The following MYBL2 variants were observed in gnomAD, a reference collection of about 807,000 sequenced individuals.
MYBL2 encodes myb-related protein B.
MYBL2 carries 28 observed loss-of-function variants against 79.9 expected under a neutral mutation model. The ratio of observed to expected loss-of-function variants is 0.35; its 90% CI spans 0.26 to 0.48. The LOEUF is 0.48. MYBL2 is among the 20% of genes least tolerant of loss of function. MYBL2 has a pLI of 0.99. For missense variants in MYBL2, 735 were observed against 893.9 expected, an observed-to-expected ratio of 0.82 and a Z score of 2.27; for synonymous variants, 378 against 361.2, an observed-to-expected ratio of 1.05 and a Z score of -0.53.
At chr20:43,685,883 C>G (rs1987261135) in intron 4 of MYBL2, among the ~76,000 whole-genome samples, 1 of 151,366 alleles carries the variant, frequency 6.6e-6, no homozygotes, top group Non-Finnish European at 1.5e-5. Context: ...ACTAAAAATA[C>G]AAAATTAGCC....
intron 2 of MYBL2, among the ~76,000 whole-genome samples, chr20:43,679,014 G>T (rs1158976518): frequency 6.6e-6 from 1 of 152,250 alleles, no homozygotes; most frequent in East Asian, 1.9e-4. Context: ...GGAGTCCCAG[G>T]GTGGGTGGGA....
chr20:43,709,412 G>C (rs1343044726), intron 9 of MYBL2, among the ~76,000 whole-genome samples: 1 of 152,234 alleles, frequency 6.6e-6, no homozygotes, highest in Non-Finnish European at 1.5e-5. Flanking sequence ...GTCTACATCT[G>C]ATAGAAGCAT....
At chr20:43,704,598 G>A (rs1987739745) in intron 8 of MYBL2, among the ~76,000 whole-genome samples, 1 of 152,202 alleles carries the variant, frequency 6.6e-6, no homozygotes, top group Admixed American at 6.5e-5. Context: ...TTCAGGGCAG[G>A]GAGGGAAGAG....
chr20:43,687,002 C>T lies in MYBL2; in HGVS notation c.430C>T (p.Arg144Cys). ...KKSCWTEEED[R>C]IICEAHKVLG... ...GTCTTGCTGGACCGAGGAGGAGGAC[C>T]GCATCATCTGCGAGGCCCACAAGGT... is the stretch of plus-strand genomic sequence containing the variant. The change falls in exon 5 of 14, where the codon CGC becomes TGC. Residue 144 changes from arginine (R) to cysteine (C), a missense_variant. Around this residue, in one of 5 missense-constraint regions of MYBL2, gnomAD observed 65 missense variants for 145.2 expected, o/e 0.45. Transcript: ENST00000217026. 2 of 1,614,008 alleles carry T rather than the reference C, an allele frequency of 1.2e-6. No homozygotes were observed. The highest frequency in any genetic ancestry group is 2.2e-5 in the East Asian group (1 of 44,886).
chr20:43,685,962 G>A (rs1382971284), intron 4 of MYBL2, among the ~76,000 whole-genome samples: 6 of 151,860 alleles, frequency 4.0e-5, no homozygotes, highest in East Asian at 1.9e-4. Flanking sequence ...ACTTGAACCC[G>A]GAAGGCGGAG....
At chr20:43,715,323 G>A (rs771083940) in intron 13 of MYBL2, 40 bp downstream of exon 13, 17 of 1,612,460 alleles carry the variant, frequency 1.1e-5, no homozygotes, top group Middle Eastern at 3.3e-4. Context: ...TGCAGTGCCC[G>A]CCTTCTTAGC....
intron 2 of MYBL2, among the ~76,000 whole-genome samples, chr20:43,678,417 C>G (rs1987067199): frequency 6.6e-6 from 1 of 152,024 alleles, no homozygotes; most frequent in Admixed American, 6.5e-5. Flanking sequence ...GATTGTTCAG[C>G]TCTCAATGCA....
intron 5 of MYBL2, among the ~76,000 whole-genome samples, chr20:43,688,946 C>T (rs2145719459): frequency 6.6e-6 from 1 of 152,230 alleles, no homozygotes; most frequent in East Asian, 1.9e-4. Flanking sequence ...CCCGCCACCA[C>T]ACCTGACTAA....
intron 2 of MYBL2, among the ~76,000 whole-genome samples, chr20:43,677,761 G>T (rs898163187): frequency 6.6e-6 from 1 of 152,172 alleles, no homozygotes; most frequent in African/African-American, 2.4e-5. Flanking sequence ...CTACTGGGAA[G>T]TGAGGAGCCC....
intron 7 of MYBL2, 146 bp from the exon 8 acceptor site, chr20:43,702,344 G>C (rs115748983): frequency 8.9e-6 from 8 of 903,768 alleles, no homozygotes; most frequent in African/African-American, 1.7e-5. Flanking sequence ...TATAGTCATA[G>C]AAAACTTTGA....
chr20:43,682,510 C>T (rs751294616), intron 3 of MYBL2, among the ~76,000 whole-genome samples: 5 of 152,244 alleles, frequency 3.3e-5, no homozygotes, highest in South Asian at 2.1e-4. Flanking sequence ...GGGTCCCTGA[C>T]GTACAAGGAA....
At chr20:43,667,765 T>TTAA (rs1180228655) in intron 1 of MYBL2, among the ~76,000 whole-genome samples, 1 of 152,044 alleles carries the variant, frequency 6.6e-6, no homozygotes, top group Non-Finnish European at 1.5e-5. Flanking sequence ...ACTTGGTGGG[T>TTAA]GGGCTTTGCT....
chr20:43,678,788 C>T (rs566121653), intron 2 of MYBL2, among the ~76,000 whole-genome samples: 67 of 135,814 alleles, frequency 4.9e-4, no homozygotes, highest in Admixed American at 9.4e-4. Flanking sequence ...AACCCAGAGG[C>T]GGAAGTTGCA....
intron 4 of MYBL2, among the ~76,000 whole-genome samples, chr20:43,683,653 A>G: frequency 6.7e-6 from 1 of 149,036 alleles, no homozygotes; most frequent in South Asian, 2.1e-4. Context: ...TCCCGGGTTC[A>G]AGCGATTCTC....
chr20:43,668,560 G>C (rs1986779706), intron 1 of MYBL2, among the ~76,000 whole-genome samples: 1 of 152,030 alleles, frequency 6.6e-6, no homozygotes, highest in African/African-American at 2.4e-5. Context: ...CATCCCTCTA[G>C]ATTTTTGCCC....
At chr20:43,698,154 T>A (rs1987592969) in intron 6 of MYBL2, among the ~76,000 whole-genome samples, 1 of 151,000 alleles carries the variant, frequency 6.6e-6, no homozygotes, top group Non-Finnish European at 1.5e-5. Context: ...AACTATTTTT[T>A]CCCAGTTTGG....
chr20:43,691,300 A>T (rs1175485590), intron 5 of MYBL2, among the ~76,000 whole-genome samples: 28 of 152,202 alleles, frequency 1.8e-4, no homozygotes, highest in Admixed American at 1.5e-3. Flanking sequence ...TATAATTTTT[A>T]AAAAATTTAA....
chr20:43,668,857 C>T (rs1043243165), intron 1 of MYBL2, among the ~76,000 whole-genome samples: 1 of 151,998 alleles, frequency 6.6e-6, no homozygotes, highest in Non-Finnish European at 1.5e-5. Context: ...CGGGCCGCCA[C>T]AACTGGCTAA....
Position 43,702,315 on chromosome 20 carries a change from A to C in MYBL2, c.952-175A>C, listed in dbSNP as rs1987690489. On this transcript the variant is annotated intron_variant, in intron 7 of 13. Transcript: ENST00000217026. ...CCCTGTCTCTTTAAAGAAAAGAAGA[A>C]TCTATGAAAATATAGATGTATAGTC... Among the ~76,000 whole-genome samples the C allele has an allele frequency of 2.0e-5, 3 of 152,156 alleles. No homozygotes were observed. In the South Asian group the frequency reaches 6.2e-4, roughly 32 times the overall value.
Sources: gnomAD v4.1 joint callset for allele counts (sites outside exome capture counted in the v4.1 genomes callset) on GRCh38, gnomAD v4.1.1 for gene constraint, gnomAD v4.1.1 regional missense constraint, MANE v1.5 for transcripts, NCBI Gene and HGNC (gene_info 2026-07-23, HGNC 2026-07-21) for gene names.